The following XYLB variants were observed in gnomAD, a reference collection of about 807,000 sequenced individuals.
XYLB encodes the protein xylulose kinase.
XYLB carries 62 observed loss-of-function variants against 78.7 expected under a neutral mutation model. That is an observed-to-expected ratio of 0.79 (90% CI 0.64 to 0.97). The LOEUF is 0.97. XYLB is among the 50% of genes least tolerant of loss of function. The pLI, the probability that XYLB is intolerant of heterozygous loss-of-function variation, is 0.00. For missense variants in XYLB, 687 were observed against 676.8 expected, an observed-to-expected ratio of 1.02 and a Z score of -0.17; for synonymous variants, 245 against 247.4, an observed-to-expected ratio of 0.99 and a Z score of 0.09.
At chr3:38,438,576 GGGTTCTT>G in the XYLB span, among the ~76,000 whole-genome samples, 1 of 152,174 alleles carries the variant, frequency 6.6e-6, no homozygotes, top group African/African-American at 2.4e-5. Flanking sequence ...TCCTTCCTGT[GGGTTCTT>G]GGTCTTGCTG....
downstream of XYLB, among the ~76,000 whole-genome samples, chr3:38,419,783 A>T (rs1020720280): frequency 1.3e-5 from 2 of 150,800 alleles, no homozygotes; most frequent in African/African-American, 4.9e-5. Context: ...GCATGTAGAG[A>T]TAGTTTATGG....
In XYLB at chr3:38,355,836, T is replaced by C. The variant is rs919462345; in HGVS notation, c.141-4503T>C. The C allele has an allele frequency of 7.1e-6, 5 of 702,868 alleles. No homozygotes were observed. The Admixed American group carries it at 1.0e-4, about 14-fold the overall frequency. The allele number at this position is 702,868 out of a possible 1,614,324, so 43.5% of individuals were successfully genotyped here. A position where few individuals can be genotyped will look rare whatever the true frequency, so the allele number is the denominator to read the frequency against. On this transcript the variant is annotated intron_variant, in intron 2 of 18. Coordinates refer to ENST00000207870, the MANE Select transcript of XYLB (RefSeq NM_005108.4). ...AGCAGAACTCCCCACTCCCCACTCATGTTCCTAACCACCTACTGATTGTGC... is the reference window on the plus strand; with the variant it reads ...AGCAGAACTCCCCACTCCCCACTCACGTTCCTAACCACCTACTGATTGTGC...
chr3:38,439,416 A>G, the XYLB span, among the ~76,000 whole-genome samples: 4 of 152,364 alleles, frequency 2.6e-5, no homozygotes, highest in South Asian at 2.1e-4. Context: ...ATGGCTGCAC[A>G]GGACCTAGAA....
At chr3:38,408,517 C>A (rs1187471369) in intron 18 of XYLB, among the ~76,000 whole-genome samples, 1 of 150,638 alleles carries the variant, frequency 6.6e-6, no homozygotes, top group African/African-American at 2.4e-5. Context: ...TAGCAGAAGG[C>A]AAGAAATAAC....
At chr3:38,347,223 G>C (rs1472221813) in intron 1 of XYLB, among the ~76,000 whole-genome samples, 2 of 152,252 alleles carry the variant, frequency 1.3e-5, no homozygotes, top group African/African-American at 2.4e-5. Flanking sequence ...GCCCAGAGGG[G>C]CCGGAGGACT....
intron 15 of XYLB, among the ~76,000 whole-genome samples, chr3:38,385,219 C>T (rs1707330538): frequency 6.6e-6 from 1 of 152,054 alleles, no homozygotes; most frequent in African/African-American, 2.4e-5. Context: ...AGGCTGGTCT[C>T]AAACTCTTGA....
intron 16 of XYLB, among the ~76,000 whole-genome samples, chr3:38,396,237 G>T (rs1707862757): frequency 6.6e-6 from 1 of 152,206 alleles, no homozygotes; most frequent in Middle Eastern, 3.2e-3. Context: ...CAGGAAGAAG[G>T]AAGTGAGGGA....
rs1019178972 is a variant in XYLB at position 38,370,354 on chromosome 3, G to A, written c.765+180G>A. The stretch of plus-strand genomic sequence containing the variant: ...AGCCTAAGATGTAAGTCAGTGTCTG[G>A]ATCAGTGCCTTGCACACAGTAGGTG... On this transcript the variant is annotated intron_variant, in intron 9 of 18. Transcript: ENST00000207870. The A allele has an allele frequency of 5.1e-6, 3 of 583,402 alleles. No individual in the cohort carries two copies. In the African/African-American group the frequency reaches 5.6e-5, roughly 11 times the overall value. 36.1% of individuals were successfully genotyped at this position (583,402 alleles called of 1,614,324 possible). A position where few individuals can be genotyped will look rare whatever the true frequency, so the allele number is the denominator to read the frequency against.
chr3:38,410,529 C>G (rs1369449036), intron 18 of XYLB, among the ~76,000 whole-genome samples: 2 of 152,138 alleles, frequency 1.3e-5, no homozygotes, highest in African/African-American at 4.8e-5. Flanking sequence ...CCAAAATTGA[C>G]AAATGGGATC....
chr3:38,365,466 G>T lies in XYLB; in HGVS notation c.379-142G>T, dbSNP rs1706203346. 11 of 1,448,394 alleles carry T rather than the reference G, an allele frequency of 7.6e-6. No homozygotes were observed. The South Asian group carries it at 1.5e-4, about 19-fold the overall frequency. 89.7% of individuals were successfully genotyped at this position (1,448,394 alleles called of 1,614,324 possible). The stretch of plus-strand genomic sequence containing the variant: ...GCCAGTTCTAAGTTACAGCACAAAG[G>T]GCTGGCCCATGTGTCTCCAACCAAG... On this transcript the variant is annotated intron_variant, in intron 5 of 18. Transcript: ENST00000207870.
At chr3:38,445,775 T>C in the XYLB span, among the ~76,000 whole-genome samples, 1 of 152,178 alleles carries the variant, frequency 6.6e-6, no homozygotes, top group African/African-American at 2.4e-5. Flanking sequence ...CTGACACCCA[T>C]GTCTTTAGTC....
the XYLB span, among the ~76,000 whole-genome samples, chr3:38,433,685 C>G: frequency 2.0e-5 from 3 of 152,330 alleles, no homozygotes. Context: ...TCATCTCCAT[C>G]TGAAACAACC....
At chr3:38,446,251 A>G in the XYLB span, among the ~76,000 whole-genome samples, 1 of 152,188 alleles carries the variant, frequency 6.6e-6, no homozygotes, top group African/African-American at 2.4e-5. Flanking sequence ...ACAAACGTCT[A>G]GCTAGCCACA....
chr3:38,358,439 G>C (rs1397263187), intron 2 of XYLB, among the ~76,000 whole-genome samples: 1 of 148,348 alleles, frequency 6.7e-6, no homozygotes, highest in East Asian at 2.1e-4. Flanking sequence ...CCGCCTCCTG[G>C]GTTCAAACAA....
downstream of XYLB, among the ~76,000 whole-genome samples, chr3:38,422,329 G>T (rs1709004955): frequency 6.6e-6 from 1 of 152,224 alleles, no homozygotes; most frequent in Non-Finnish European, 1.5e-5. Flanking sequence ...TCCTGATTGT[G>T]CCATATGTGG....
intron 14 of XYLB, among the ~76,000 whole-genome samples, chr3:38,377,911 A>G (rs751458497): frequency 2.0e-4 from 30 of 152,130 alleles, no homozygotes; most frequent in Non-Finnish European, 3.8e-4. Flanking sequence ...TTTCTCCTCC[A>G]CAATGTGACC....
At chr3:38,388,360 A>C (rs1210303201) in intron 15 of XYLB, among the ~76,000 whole-genome samples, 1 of 152,146 alleles carries the variant, frequency 6.6e-6, no homozygotes, top group Non-Finnish European at 1.5e-5. Flanking sequence ...GTATTCGTCA[A>C]AATTGCCAAG....
In XYLB at chr3:38,350,446, A is replaced by C. The variant is rs115723278; in HGVS notation, c.140+1814A>C. 2.6e-3 allele frequency among the ~76,000 whole-genome samples: 401 copies of C among 152,210 alleles called. 4 individuals carry two copies. Among genetic ancestry groups the C allele is most frequent in the African/African-American group, 9.4e-3 (390 of 41,530 alleles). ...TCTCTTGCTGTTGGTCATTTCTGAT[A>C]TTGGTAATTTGTCTTCTCTCTTTTT... is the stretch of plus-strand genomic sequence containing the variant. On this transcript the variant is annotated intron_variant, in intron 2 of 18. Transcript: ENST00000207870.
At chr3:38,435,326 AAC>A in the XYLB span, among the ~76,000 whole-genome samples, 1,402 of 149,946 alleles carry the variant, frequency 9.4e-3, 15 homozygotes, top group Middle Eastern at 0.082. Flanking sequence ...CAAGACCAGT[AAC>A]ACACACACAC....
Sources: allele counts gnomAD v4.1 joint callset (sites outside exome capture counted in the v4.1 genomes callset), GRCh38; gene constraint gnomAD v4.1.1; transcripts MANE v1.5; gene names NCBI Gene and HGNC (gene_info 2026-07-23, HGNC 2026-07-21).